SNTG1: variants seen among roughly 807,000 people sequenced by gnomAD.
SNTG1 encodes gamma-1-syntrophin.
A neutral mutation model predicts 74.7 loss-of-function variants in SNTG1; 39 were observed. The observed-to-expected ratio is 0.52, with a 90% CI of 0.40 to 0.68. The LOEUF (loss-of-function observed/expected upper bound fraction) is 0.68. Ranked by LOEUF, SNTG1 falls within the 30% of genes least tolerant of loss-of-function variation. SNTG1 has a pLI of 0.00. For synonymous variants in SNTG1, 254 were observed against 217.1 expected (o/e 1.17, Z -1.49); for missense variants, 685 against 609.5 (o/e 1.12, Z -1.30).
In SNTG1 at chr8:50,715,306, T is replaced by G. The variant is rs1212076105; in HGVS notation, c.1284+6328T>G. On this transcript the variant is annotated intron_variant, in intron 17 of 18. Transcript: ENST00000642720. ...CATGGGTAAGAGTAAAAGACAGCAT[T>G]ACTCATATCATTGCTGGTCTCTAGA... Among the ~76,000 whole-genome samples the G allele has an allele frequency of 3.3e-5, 5 of 152,322 alleles. No individual in the cohort carries two copies. In the East Asian group the frequency reaches 9.6e-4, roughly 29 times the overall value.
chr8:50,664,908 T>C (rs1443420735), intron 15 of SNTG1, among the ~76,000 whole-genome samples: 1 of 152,164 alleles, frequency 6.6e-6, no homozygotes, highest in Non-Finnish European at 1.5e-5. Flanking sequence ...CTCCCTATCA[T>C]TTGGCCAGGA....
chr8:50,492,252 G>A (rs1456795799), intron 8 of SNTG1, among the ~76,000 whole-genome samples: 1 of 152,184 alleles, frequency 6.6e-6, no homozygotes, highest in Admixed American at 6.5e-5. Flanking sequence ...TATATACCCA[G>A]TAATAGGATT....
intron 13 of SNTG1, among the ~76,000 whole-genome samples, chr8:50,630,346 C>T (rs2094988234): frequency 6.6e-6 from 1 of 152,116 alleles, no homozygotes; most frequent in African/African-American, 2.4e-5. Flanking sequence ...CAATCATATG[C>T]CTTGAGCTCT....
intron 2 of SNTG1, among the ~76,000 whole-genome samples, chr8:50,225,204 C>A (rs1418814889): frequency 6.6e-6 from 1 of 152,040 alleles, no homozygotes; most frequent in Non-Finnish European, 1.5e-5. Context: ...GATCTCCTGA[C>A]CTCGTGATCC....
chr8:50,508,430 A>G (rs1197255081), intron 9 of SNTG1, among the ~76,000 whole-genome samples: 1 of 152,238 alleles, frequency 6.6e-6, no homozygotes, highest in Non-Finnish European at 1.5e-5. Context: ...CTTTGGGTAT[A>G]TACCCAGTAA....
chr8:50,463,229 C>T (rs1010253439), intron 8 of SNTG1, among the ~76,000 whole-genome samples: 4 of 152,072 alleles, frequency 2.6e-5, no homozygotes, highest in African/African-American at 9.7e-5. Flanking sequence ...CAACTTTTTC[C>T]AAACTCCTGT....
chr8:50,555,165 G>A (rs2094448774), intron 12 of SNTG1, among the ~76,000 whole-genome samples: 1 of 152,140 alleles, frequency 6.6e-6, no homozygotes. Context: ...CTTGTAATAA[G>A]TGCTCACCGT....
At chr8:50,329,280 C>A (rs2090869497) in intron 2 of SNTG1, among the ~76,000 whole-genome samples, 1 of 152,084 alleles carries the variant, frequency 6.6e-6, no homozygotes. Context: ...TCTTACAGCT[C>A]CATTAGGCAG....
chr8:50,564,055 C>G (rs1368217071), intron 12 of SNTG1, among the ~76,000 whole-genome samples: 1 of 151,932 alleles, frequency 6.6e-6, no homozygotes, highest in Non-Finnish European at 1.5e-5. Flanking sequence ...TTTTCAAAGA[C>G]ACACAATAAT....
intron 18 of SNTG1, among the ~76,000 whole-genome samples, chr8:50,753,444 G>A (rs184186892): frequency 1.3e-5 from 2 of 151,808 alleles, no homozygotes; most frequent in Non-Finnish European, 1.5e-5. Flanking sequence ...TATTCTGATG[G>A]GGAACCTCAA....
Position 50,255,661 on chromosome 8 carries a change from C to T in SNTG1, c.-28+83026C>T, listed in dbSNP as rs543489393. 1.1e-4 allele frequency among the ~76,000 whole-genome samples: 16 copies of T among 152,298 alleles called. 1 individual carries two copies. Among genetic ancestry groups the T allele is most frequent in the African/African-American group, 3.8e-4 (16 of 41,570 alleles). On this transcript the variant is annotated intron_variant, in intron 2 of 18. Coordinates refer to ENST00000642720, the MANE Select transcript of SNTG1 (RefSeq NM_018967.5). ...TGTATTCATCTTTACATCAAGCTCT[C>T]CTTGTCTGCATGTTTATGTCTAAAT...
intron 2 of SNTG1, among the ~76,000 whole-genome samples, chr8:50,207,949 G>A (rs2084325609): frequency 6.6e-6 from 1 of 152,118 alleles, no homozygotes; most frequent in Admixed American, 6.6e-5. Flanking sequence ...TATAATTTCT[G>A]TTCTTTTACA....
chr8:50,163,076 C>T (rs553773649), intron 1 of SNTG1, among the ~76,000 whole-genome samples: 1 of 152,160 alleles, frequency 6.6e-6, no homozygotes, highest in Non-Finnish European at 1.5e-5. Flanking sequence ...CCATAAGCAA[C>T]TGGCTAGGTC....
chr8:50,321,998 T>C (rs11783154), intron 2 of SNTG1, among the ~76,000 whole-genome samples: 83,321 of 152,026 alleles, frequency 0.55, 24,705 homozygotes, highest in East Asian at 0.84. Flanking sequence ...ATAATATTCT[T>C]TATTTTCTGT....
At chr8:50,027,526 AG>A (rs1476132690) in intron 1 of SNTG1, among the ~76,000 whole-genome samples, 2 of 152,222 alleles carry the variant, frequency 1.3e-5, no homozygotes, top group African/African-American at 2.4e-5. Context: ...AGACATACAG[AG>A]GAAGGGTGCC....
intron 13 of SNTG1, among the ~76,000 whole-genome samples, chr8:50,608,159 G>A (rs889695418): frequency 6.6e-6 from 1 of 151,596 alleles, no homozygotes; most frequent in African/African-American, 2.4e-5. Flanking sequence ...ATAAAACATG[G>A]ATATGTACTC....
At chr8:50,685,993 A>G (rs1314018907) in intron 15 of SNTG1, among the ~76,000 whole-genome samples, 1 of 152,022 alleles carries the variant, frequency 6.6e-6, no homozygotes, top group Non-Finnish European at 1.5e-5. Flanking sequence ...CCAAACATGT[A>G]CGGGATTCAG....
chr8:50,614,366 T>C (rs565029800), intron 13 of SNTG1, among the ~76,000 whole-genome samples: 252 of 152,180 alleles, frequency 1.7e-3, no homozygotes, highest in African/African-American at 3.0e-3. Context: ...GGCCTACAAT[T>C]CCTACAGAAG....
At chr8:50,508,678 G>A (rs1465570274) in intron 9 of SNTG1, among the ~76,000 whole-genome samples, 1 of 152,172 alleles carries the variant, frequency 6.6e-6, no homozygotes, top group South Asian at 2.1e-4. Flanking sequence ...CAGTGATGAT[G>A]AGCATTTTTT....
Sources: allele counts gnomAD v4.1 joint callset (sites outside exome capture counted in the v4.1 genomes callset), GRCh38; gene constraint gnomAD v4.1.1; transcripts MANE v1.5; gene names NCBI Gene and HGNC (gene_info 2026-07-23, HGNC 2026-07-21).